The following ANTXR2 variants were observed in gnomAD, a reference collection of about 807,000 sequenced individuals.
The protein encoded by ANTXR2 is ANTXR cell adhesion molecule 2, also known as anthrax toxin receptor 2.
Under a neutral mutation model 73.7 loss-of-function variants are expected in ANTXR2, and 44 were observed. The observed-to-expected ratio is 0.60, with a 90% CI of 0.47 to 0.77. The LOEUF is 0.77. ANTXR2 is among the 30% of genes least tolerant of loss of function. The pLI, the probability that ANTXR2 is intolerant of heterozygous loss-of-function variation, is 0.00. For synonymous variants in ANTXR2, 217 were observed against 205.9 expected (o/e 1.05, Z -0.46); for missense variants, 604 against 592.5 (o/e 1.02, Z -0.20).
rs773938028 is a variant in ANTXR2, at chr4:79,977,991, A to G, written c.1347+16T>C. ...CAGAAGTTTTGAGTTAAATTACACA[A>G]AATCTGGACACATACCTTAATTGGG... On this transcript the variant is annotated intron_variant, in intron 15 of 16. Coordinates refer to ENST00000403729, the MANE Select transcript of ANTXR2 (RefSeq NM_058172.6). 2 of 1,562,706 alleles carry G rather than the reference A, an allele frequency of 1.3e-6. No homozygotes were observed. The highest frequency in any genetic ancestry group is 1.2e-5 in the South Asian group (1 of 83,060).
intron 16 of ANTXR2, among the ~76,000 whole-genome samples, chr4:79,913,709 AT>A (rs555946977): frequency 2.1e-3 from 323 of 152,232 alleles, no homozygotes; most frequent in African/African-American, 7.6e-3. Flanking sequence ...AATGCTAGCC[AT>A]TTATTTCTCT....
chr4:80,042,050 T>G (rs991356356), intron 7 of ANTXR2, among the ~76,000 whole-genome samples: 3 of 152,114 alleles, frequency 2.0e-5, no homozygotes, highest in Non-Finnish European at 2.9e-5. Flanking sequence ...AGCCAAATAC[T>G]TAGGGCCCTC....
chr4:79,988,479 G>C (rs1023807144), intron 12 of ANTXR2, among the ~76,000 whole-genome samples: 35 of 151,496 alleles, frequency 2.3e-4, no homozygotes, highest in Non-Finnish European at 7.4e-5. Context: ...CTCCCAAATT[G>C]GAGATCCTAG....
At chr4:79,978,945 C>T (rs1267397140) in intron 14 of ANTXR2, among the ~76,000 whole-genome samples, 4 of 152,046 alleles carry the variant, frequency 2.6e-5, no homozygotes, top group Non-Finnish European at 5.9e-5. Context: ...TAGTGTTCAG[C>T]CTTTAGTTCC....
At position 80,008,573 on chromosome 4, in the gene ANTXR2, A is replaced by C. The variant is rs1429105866; in HGVS notation, c.989T>G (p.Leu330Arg). The change falls in exon 12 of 17, where the codon CTA (leucine) becomes CGA (arginine). Residue 330 changes from leucine (L) to arginine (R), a missense_variant. Physicochemically the swap from Leu to Arg is moderately radical, Grantham distance 102. Coordinates refer to ENST00000403729, the MANE Select transcript of ANTXR2 (RefSeq NM_058172.6). The part of the protein sequence containing the change: ...AAIIVILVLL[L>R]LLGIGLMWWF... ...CCACATCAAACCGATCCCCAGGAGTAGCAGTAACACCAAAATAACAATGAT... is the reference window on the plus strand; with the variant it reads ...CCACATCAAACCGATCCCCAGGAGTCGCAGTAACACCAAAATAACAATGAT... 7 of 1,607,632 alleles carry C rather than the reference A, an allele frequency of 4.4e-6. No individual in the cohort carries two copies. Among genetic ancestry groups the C allele is most frequent in the African/African-American group, 1.3e-5 (1 of 74,610 alleles).
intron 16 of ANTXR2, among the ~76,000 whole-genome samples, chr4:79,928,480 A>G (rs949323829): frequency 1.3e-5 from 2 of 152,216 alleles, no homozygotes; most frequent in Admixed American, 1.3e-4. Flanking sequence ...TGAATCGTAT[A>G]TTTAAAAATT....
At chr4:80,018,000 A>C (rs1731956049) in intron 11 of ANTXR2, among the ~76,000 whole-genome samples, 1 of 152,226 alleles carries the variant, frequency 6.6e-6, no homozygotes, top group African/African-American at 2.4e-5. Flanking sequence ...AAAATGAGAA[A>C]TGCAACTACC....
At chr4:79,909,471 A>G (rs1361827795) in intron 16 of ANTXR2, among the ~76,000 whole-genome samples, 1 of 152,088 alleles carries the variant, frequency 6.6e-6, no homozygotes. Context: ...TTCAATACCT[A>G]AATTATTCCA....
chr4:80,065,309 C>T lies in ANTXR2; in HGVS notation c.296+4127G>A, dbSNP rs562831232. 1.1e-4 allele frequency among the ~76,000 whole-genome samples: 16 copies of T among 152,202 alleles called. No individual in the cohort carries two copies. In the South Asian group the frequency reaches 2.3e-3, roughly 22 times the overall value. ...AAGGCTGGGTATTTCCATACTGAATCAACACTTGGCATTTTTCTCTTACCT... is the reference window on the plus strand; with the variant it reads ...AAGGCTGGGTATTTCCATACTGAATTAACACTTGGCATTTTTCTCTTACCT... On this transcript the variant is annotated intron_variant, in intron 3 of 16. Transcript: ENST00000403729.
intron 7 of ANTXR2, among the ~76,000 whole-genome samples, chr4:80,045,960 G>A (rs1414861818): frequency 1.3e-5 from 2 of 151,664 alleles, no homozygotes; most frequent in Admixed American, 6.6e-5. Context: ...AATGCTTAGA[G>A]CTTCAAAATA....
Position 79,904,725 on chromosome 4 carries a change from T to A in ANTXR2, c.*2704A>T, listed in dbSNP as rs969425354. On this transcript the variant is annotated 3_prime_UTR_variant, in exon 17 of 17. Transcript: ENST00000403729. ...AACCTTATGCAACACGAATGGATTATGTGCAAGACTTATTCATTTTTACAC... is the reference window on the plus strand; with the variant it reads ...AACCTTATGCAACACGAATGGATTAAGTGCAAGACTTATTCATTTTTACAC... 5 of 152,192 alleles carry A rather than the reference T, an allele frequency of 3.3e-5. No homozygotes were observed. The highest frequency in any genetic ancestry group is 4.4e-5 in the Non-Finnish European group (3 of 68,032). The allele number at this position is 152,192 out of a possible 1,614,324, so 9.4% of individuals were successfully genotyped here. A position where few individuals can be genotyped will look rare whatever the true frequency, so the allele number is the denominator to read the frequency against.
intron 12 of ANTXR2, among the ~76,000 whole-genome samples, chr4:80,004,673 C>T (rs926607753): frequency 6.6e-6 from 1 of 152,112 alleles, no homozygotes; most frequent in Non-Finnish European, 1.5e-5. Context: ...TATGACCCAT[C>T]TAGATCATCC....
chr4:80,022,283 A>C (rs944472727), intron 10 of ANTXR2, among the ~76,000 whole-genome samples: 6 of 152,240 alleles, frequency 3.9e-5, no homozygotes, highest in African/African-American at 1.4e-4. Context: ...GTGAATATAT[A>C]TATTTATGAA....
chr4:79,905,371 T>C lies in ANTXR2; in HGVS notation c.*2058A>G, dbSNP rs562098721. On this transcript the variant is annotated 3_prime_UTR_variant, in exon 17 of 17. Coordinates refer to ENST00000403729, the MANE Select transcript of ANTXR2 (RefSeq NM_058172.6). ...CAGAACAAAGGGATACAATAACTCATTGCAGAAAGGGTTGGGTATACTATA... is the reference window on the plus strand; with the variant it reads ...CAGAACAAAGGGATACAATAACTCACTGCAGAAAGGGTTGGGTATACTATA... 3.5e-4 allele frequency: 54 copies of C among 152,312 alleles called. No homozygotes were observed. Among genetic ancestry groups the C allele is most frequent in the African/African-American group, 1.3e-3 (53 of 41,574 alleles). The allele number at this position is 152,312 out of a possible 1,614,324, so 9.4% of individuals were successfully genotyped here.
At chr4:79,920,191 C>G (rs1408644873) in intron 16 of ANTXR2, among the ~76,000 whole-genome samples, 1 of 151,864 alleles carries the variant, frequency 6.6e-6, no homozygotes, top group Non-Finnish European at 1.5e-5. Context: ...CCATTATCTA[C>G]TAAAAACAAA....
In ANTXR2 at chr4:79,994,428, G is replaced by A. The variant is rs191769959; in HGVS notation, c.1042-9565C>T. Among the ~76,000 whole-genome samples the A allele has an allele frequency of 4.6e-3, 696 of 152,066 alleles. 10 individuals carry two copies. The highest frequency in any genetic ancestry group is 0.016 in the African/African-American group (661 of 41,532). On this transcript the variant is annotated intron_variant, in intron 12 of 16. Coordinates refer to ENST00000403729, the MANE Select transcript of ANTXR2 (RefSeq NM_058172.6). ...TCTGGAGTTCTCTCACTAGAAAAAG[G>A]TCAAGGTACATCCTTCCATTCCACT...
chr4:80,039,829 C>T (rs532483698), intron 7 of ANTXR2, among the ~76,000 whole-genome samples: 19 of 152,004 alleles, frequency 1.2e-4, no homozygotes, highest in Admixed American at 1.1e-3. Flanking sequence ...ATGTGTTCAT[C>T]GCAGCACTGT....
At chr4:79,919,629 G>C (rs1727490484) in intron 16 of ANTXR2, among the ~76,000 whole-genome samples, 1 of 151,704 alleles carries the variant, frequency 6.6e-6, no homozygotes, top group South Asian at 2.1e-4. Flanking sequence ...ATCAGACTCT[G>C]AGTTCTTCAG....
chr4:80,030,306 T>G (rs538727375), intron 10 of ANTXR2, among the ~76,000 whole-genome samples: 16 of 151,982 alleles, frequency 1.1e-4, no homozygotes, highest in Admixed American at 5.9e-4. Flanking sequence ...GGAGATAGAT[T>G]GGGGGAATAT....
Sources: gnomAD v4.1 joint callset for allele counts (sites outside exome capture counted in the v4.1 genomes callset) on GRCh38, gnomAD v4.1.1 for gene constraint, MANE v1.5 for transcripts, NCBI Gene and HGNC (gene_info 2026-07-23, HGNC 2026-07-21) for gene names.